EPHA8: variants seen among roughly 807,000 people sequenced by gnomAD.
EPHA8 encodes the protein ephrin type-A receptor 8.
EPHA8 carries 58 observed loss-of-function variants against 103.6 expected under a neutral mutation model. The observed-to-expected ratio is 0.56, with a 90% CI of 0.45 to 0.70. The LOEUF (loss-of-function observed/expected upper bound fraction) is 0.70. Among genes scored for constraint, EPHA8 ranks in the 30% least tolerant of loss-of-function variants. EPHA8 has a pLI of 0.00. For synonymous variants in EPHA8, 559 were observed against 572.5 expected (o/e 0.98, Z 0.34); for missense variants, 1,304 against 1,395.2 (o/e 0.93, Z 1.04).
chr1:22,601,300 G>A lies in EPHA8; in HGVS notation c.2730G>A (p.Arg910=), dbSNP rs781609469. The A allele has an allele frequency of 1.1e-5, 18 of 1,595,440 alleles. No individual in the cohort carries two copies. Among genetic ancestry groups the A allele is most frequent in the Admixed American group, 7.5e-5 (4 of 53,628 alleles). ...CTTACCAAGAGCCCCTGTGCCTCAG[G>A]TGCCCACCCCCTGCCTTCGTCCGGA... ...ESLRATATVS[R]CPPPAFVRSC... is the part of the protein sequence containing the mutation. The change falls in exon 16 of 17, where the codon AGG becomes AGA. Residue 910 remains arginine (R), a splice_region_variant and synonymous_variant. Coordinates refer to ENST00000166244, the MANE Select transcript of EPHA8 (RefSeq NM_020526.5).
intron 5 of EPHA8, among the ~76,000 whole-genome samples, chr1:22,592,275 A>G (rs1465883748): frequency 6.6e-6 from 1 of 152,078 alleles, no homozygotes; most frequent in Non-Finnish European, 1.5e-5. Context: ...TTGGTTTTTA[A>G]GAGACACACC....
At position 22,576,290 on chromosome 1, in the gene EPHA8, C is replaced by T. The variant is rs771697649; in HGVS notation, c.233C>T (p.Pro78Leu). Residue 78 changes from proline to leucine, a missense_variant, in exon 3 of 17, where the codon CCC (proline) becomes CTC (leucine). By Grantham distance (98) the Pro-to-Leu change is moderately conservative. Coordinates refer to ENST00000166244, the MANE Select transcript of EPHA8 (RefSeq NM_020526.5). The surrounding 1 kb of genome is among the most constrained non-coding windows in gnomAD (Gnocchi z 4.8). Reference protein sequence around the residue: ...HTYQVCNVMSPNQNNWLRTSW... With the variant: ...HTYQVCNVMSLNQNNWLRTSW... ...TACCAGGTTTGCAACGTCATGAGCCCCAACCAGAACAACTGGCTGCGCACG... is the reference window on the plus strand; with the variant it reads ...TACCAGGTTTGCAACGTCATGAGCCTCAACCAGAACAACTGGCTGCGCACG... 4 of 1,613,876 alleles carry T rather than the reference C, an allele frequency of 2.5e-6. No individual in the cohort carries two copies. Among genetic ancestry groups the T allele is most frequent in the Non-Finnish European group, 3.4e-6 (4 of 1,180,016 alleles).
In EPHA8 at chr1:22,602,283, G is replaced by A. The variant is rs1433235747; in HGVS notation, c.*542G>A. 1 of 165,002 alleles carries A rather than the reference G, an allele frequency of 6.1e-6. No individual in the cohort carries two copies. Among genetic ancestry groups the A allele is most frequent in the African/African-American group, 2.4e-5 (1 of 41,462 alleles). The allele number at this position is 165,002 out of a possible 1,614,324, so 10.2% of individuals were successfully genotyped here. A position where few individuals can be genotyped will look rare whatever the true frequency, so the allele number is the denominator to read the frequency against. ...TGACACCGCCAGGTCCAGCACCCAT[G>A]GGGGCGGGGGAGAGGCTCACCCCTA... On this transcript the variant is annotated 3_prime_UTR_variant, in exon 17 of 17. Transcript: ENST00000166244.
rs1322711881 is a variant in EPHA8, at chr1:22,588,998, C to A, written c.1107C>A (p.Cys369Ter). ...DITYNAVCRRCPWALSRCEAC... is the reference protein window; with the variant it reads ...DITYNAVCRR ...CCTACAATGCCGTGTGCCGCCGCTG[C>A]CCCTGGGCACTGAGCCGCTGCGAGG... is the stretch of plus-strand genomic sequence containing the variant. Residue 369 changes from cysteine (C) to a stop codon, truncating the protein, a stop_gained, in exon 5 of 17, where the codon TGC (cysteine) becomes TGA (stop). Coordinates refer to ENST00000166244, the MANE Select transcript of EPHA8 (RefSeq NM_020526.5). LOFTEE classifies it high-confidence loss of function. 1.2e-6 allele frequency: 2 copies of A among 1,613,294 alleles called. No homozygotes were observed. The highest frequency in any genetic ancestry group is 8.5e-7 in the Non-Finnish European group (1 of 1,179,682).
chr1:22,570,600 G>A (rs191795293), intron 2 of EPHA8, among the ~76,000 whole-genome samples: 9 of 87,652 alleles, frequency 1.0e-4, no homozygotes, highest in Admixed American at 3.0e-4. Context: ...TTTTGTGGGG[G>A]CCTGTGATTG....
rs1222774079 is a variant in EPHA8 at position 22,602,842 on chromosome 1, G to A, written c.*1101G>A. 6.6e-6 allele frequency: 1 copy of A among 152,500 alleles called. No homozygotes were observed. Among genetic ancestry groups the A allele is most frequent in the Non-Finnish European group, 1.5e-5 (1 of 68,092 alleles). 9.4% of individuals were successfully genotyped at this position (152,500 alleles called of 1,614,324 possible). A position where few individuals can be genotyped will look rare whatever the true frequency, so the allele number is the denominator to read the frequency against. On this transcript the variant is annotated 3_prime_UTR_variant, in exon 17 of 17. Transcript: ENST00000166244. ...GGTTGCACTGCAACCAAGTGTCAGA[G>A]TCGGGGCTCCGGCCTCCTGCCAAGG...
Position 22,600,596 on chromosome 1 carries a change from C to CA in EPHA8, c.2389-64dup, listed in dbSNP as rs1485576809. The CA allele has an allele frequency of 1.0e-5, 16 of 1,588,798 alleles. 1 individual carries two copies. In the Admixed American group the frequency reaches 1.9e-4, roughly 19 times the overall value. On this transcript the variant is annotated intron_variant, in intron 13 of 16. Transcript: ENST00000166244. Reference sequence around the variant, plus strand: ...GACCCCAGTGTTTAGCTCTCTGACTCAGACGGCTCGGGGGACACCCTGCCA... The same window carrying CA: ...GACCCCAGTGTTTAGCTCTCTGACTCAAGACGGCTCGGGGGACACCCTGCCA...
chr1:22,578,643 G>GTT (rs537370524), intron 3 of EPHA8, among the ~76,000 whole-genome samples: 2 of 145,590 alleles, frequency 1.4e-5, no homozygotes, highest in African/African-American at 5.4e-5. Flanking sequence ...GTGTGTATGT[G>GTT]TATGTGTGTG....
intron 3 of EPHA8, among the ~76,000 whole-genome samples, chr1:22,577,171 A>G (rs1429379744): frequency 2.0e-5 from 3 of 152,172 alleles, no homozygotes; most frequent in Non-Finnish European, 4.4e-5. Flanking sequence ...CACCTGTGCA[A>G]TTGGGTATGC....
chr1:22,600,326 AGAAGG>A (rs1232590387), intron 13 of EPHA8, among the ~76,000 whole-genome samples: 14 of 150,440 alleles, frequency 9.3e-5, no homozygotes, highest in Non-Finnish European at 1.8e-4. Flanking sequence ...GGAGGAAGGA[AGAAGG>A]GAAGGGAGGA....
At chr1:22,578,162 G>GT (rs1557559642) in intron 3 of EPHA8, among the ~76,000 whole-genome samples, 2 of 105,110 alleles carry the variant, frequency 1.9e-5, no homozygotes, top group Non-Finnish European at 4.1e-5. Flanking sequence ...GTGTGTGCAT[G>GT]AGTGTATGTG....
intron 8 of EPHA8, 107 bp from the exon 9 acceptor site, chr1:22,595,999 C>A: frequency 1.0e-6 from 1 of 995,842 alleles, no homozygotes; most frequent in Non-Finnish European, 1.5e-6. Flanking sequence ...GCTGACCTGT[C>A]AGGGGAAGGG....
intron 5 of EPHA8, among the ~76,000 whole-genome samples, chr1:22,591,005 C>G (rs570116051): frequency 2.0e-5 from 3 of 152,046 alleles, no homozygotes; most frequent in Non-Finnish European, 2.9e-5. Context: ...ACTTCCACCC[C>G]CCACGAGTCC....
In EPHA8 at chr1:22,598,697, T is replaced by C. The variant is rs1485787291; in HGVS notation, c.2179-141T>C. On this transcript the variant is annotated intron_variant, in intron 12 of 16. Coordinates refer to ENST00000166244, the MANE Select transcript of EPHA8 (RefSeq NM_020526.5). The surrounding 1 kb of genome is among the most constrained non-coding windows in gnomAD (Gnocchi z 5.1). The stretch of plus-strand genomic sequence containing the variant: ...AGGAGAATAACCCTTAACTGCAAAG[T>C]GCTTCAGAAGTAGTGGCGCACTTGG... 2 of 784,110 alleles carry C rather than the reference T, an allele frequency of 2.6e-6. No homozygotes were observed. The highest frequency in any genetic ancestry group is 3.4e-5 in the African/African-American group (2 of 58,182). 48.6% of individuals were successfully genotyped at this position (784,110 alleles called of 1,614,324 possible).
intron 5 of EPHA8, among the ~76,000 whole-genome samples, chr1:22,592,716 C>A (rs894422069): frequency 6.6e-6 from 1 of 152,066 alleles, no homozygotes; most frequent in Admixed American, 6.5e-5. Flanking sequence ...GAGGACAGGG[C>A]AGTTCCCTCT....
Position 22,597,624 on chromosome 1 carries a change from T to G in EPHA8, c.1931-52T>G. The stretch of plus-strand genomic sequence containing the variant: ...CCAAGGGCCTGGGAGGCTGGGGGAG[T>G]CTGAGGGTCCCACTGCCCTCCCTCC... On this transcript the variant is annotated intron_variant, in intron 10 of 16. Coordinates refer to ENST00000166244, the MANE Select transcript of EPHA8 (RefSeq NM_020526.5). The surrounding 1 kb of genome is among the most constrained non-coding windows in gnomAD (Gnocchi z 4.6). 1.1e-5 allele frequency: 17 copies of G among 1,555,570 alleles called. No homozygotes were observed. Among genetic ancestry groups the G allele is most frequent in the Non-Finnish European group, 1.5e-5 (17 of 1,149,588 alleles).
intron 15 of EPHA8, 65 bp downstream of exon 15, chr1:22,601,153 C>A: frequency 6.4e-7 from 1 of 1,550,856 alleles, no homozygotes; most frequent in Admixed American, 1.9e-5. Flanking sequence ...CAGATCTGTC[C>A]CTGGGACAGT....
At chr1:22,596,620 A>C (rs1040388886) in intron 9 of EPHA8, among the ~76,000 whole-genome samples, 1 of 151,762 alleles carries the variant, frequency 6.6e-6, no homozygotes, top group East Asian at 1.9e-4. Context: ...ACTCCTCCTT[A>C]ACTACTTTTT....
chr1:22,578,521 ATG>A (rs1041810342), intron 3 of EPHA8, among the ~76,000 whole-genome samples: 2 of 106,580 alleles, frequency 1.9e-5, no homozygotes, highest in African/African-American at 3.6e-5. Flanking sequence ...TGTATTATGC[ATG>A]TGTGCATATG....
Sources: gnomAD v4.1 joint callset for allele counts (sites outside exome capture counted in the v4.1 genomes callset) on GRCh38, gnomAD v4.1.1 for gene constraint, Gnocchi (gnomAD v3.1) non-coding constraint, MANE v1.5 for transcripts, NCBI Gene and HGNC (gene_info 2026-07-23, HGNC 2026-07-21) for gene names.